The following LRRC66 variants were observed in gnomAD, a reference collection of about 807,000 sequenced individuals.
The protein encoded by LRRC66 is leucine-rich repeat-containing protein 66.
A neutral mutation model predicts 24.6 loss-of-function variants in LRRC66; 29 were observed. That is an observed-to-expected ratio of 1.18 (90% CI 0.88 to 1.61). LRRC66 has a LOEUF of 1.61. Ranked by LOEUF, LRRC66 falls within the 40% of genes most tolerant of loss-of-function variation. LRRC66 has a pLI of 0.00. For missense variants in LRRC66, 1,124 were observed against 1,058.0 expected, an observed-to-expected ratio of 1.06 and a Z score of -0.87; for synonymous variants, 411 against 397.6, an observed-to-expected ratio of 1.03 and a Z score of -0.40.
Position 51,995,926 on chromosome 4 carries a change from C to T in LRRC66, c.1096G>A (p.Gly366Ser), listed in dbSNP as rs1222607778. 5.6e-6 allele frequency: 9 copies of T among 1,613,810 alleles called. No individual in the cohort carries two copies. In the Middle Eastern group the frequency reaches 4.9e-4, roughly 88 times the overall value. Residue 366 changes from glycine to serine, a missense_variant, in exon 5 of 5, where the codon GGC becomes AGC. Coordinates refer to ENST00000682860, the MANE Select transcript of LRRC66 (RefSeq NM_001024611.3). ...TCCTGGGGAGCGTCCTCTTTTTTGC[C>T]GGCAGCCTGCACATCGCGGGTGCTT... ...VRSTRDVQAA[G>S]KKEDAPQDLA...
rs1465583870 is a variant in LRRC66 at position 52,019,341 on chromosome 4, G to C, written c.-6+963C>G. The stretch of plus-strand genomic sequence containing the variant: ...TTCAGCGTTGCTATTGTTTTGCTTT[G>C]TATCTGTTCTGAACTCCCAAAAAAA... On this transcript the variant is annotated intron_variant, in intron 1 of 4. Transcript: ENST00000682860. Among the ~76,000 whole-genome samples, 3 of 150,722 alleles carry C rather than the reference G, an allele frequency of 2.0e-5. No homozygotes were observed. In the South Asian group the frequency reaches 6.3e-4, roughly 31 times the overall value.
At position 51,994,996 on chromosome 4, in the gene LRRC66, C is replaced by T. The variant is rs1736260714; in HGVS notation, c.2026G>A (p.Gly676Ser). Residue 676 changes from glycine to serine, a missense_variant, in exon 5 of 5, where the codon GGC becomes AGC. Transcript: ENST00000682860. ...TTGTTAGCAGGAGTGACATCCAGGC[C>T]ACTGTCCCATCTTGGAGGAAAGACT... The part of the protein sequence containing the change: ...PSVFPPRWDS[G>S]LDVTPANKEP... 1.2e-6 allele frequency: 2 copies of T among 1,614,116 alleles called. No homozygotes were observed. The highest frequency in any genetic ancestry group is 1.7e-6 in the Non-Finnish European group (2 of 1,180,036).
chr4:51,999,277 G>A (rs550614277), intron 3 of LRRC66, among the ~76,000 whole-genome samples: 3 of 152,320 alleles, frequency 2.0e-5, no homozygotes, highest in African/African-American at 4.8e-5. Context: ...ATAGACACCC[G>A]TGAAAAATCA....
At position 52,010,157 on chromosome 4, in the gene LRRC66, G is replaced by C. The variant is rs141963024; in HGVS notation, c.497-6765C>G. Among the ~76,000 whole-genome samples, 536 of 152,246 alleles carry C rather than the reference G, an allele frequency of 3.5e-3. 15 individuals are homozygous for C. Among genetic ancestry groups the C allele is most frequent in the Admixed American group, 0.026 (397 of 15,286 alleles). ...GAGAGAATTTCATCAACCTGGCATA[G>C]AGCATTTATGAAAGATCTAGCAGCT... On this transcript the variant is annotated intron_variant, in intron 2 of 4. Transcript: ENST00000682860.
At chr4:52,003,164 T>C in intron 3 of LRRC66, 59 bp downstream of exon 3, 1 of 1,333,464 alleles carries the variant, frequency 7.5e-7, no homozygotes, top group South Asian at 1.3e-5. Context: ...GAAATATGCT[T>C]CTAATGTAAT....
chr4:52,009,678 A>G (rs574798185), intron 2 of LRRC66, among the ~76,000 whole-genome samples: 146 of 152,288 alleles, frequency 9.6e-4, no homozygotes, highest in African/African-American at 3.3e-3. Context: ...TGCATCTATT[A>G]ATGAAAGTAA....
In LRRC66 at chr4:52,008,531, G is replaced by T. The variant is rs369164852; in HGVS notation, c.497-5139C>A. ...TTTGATTGCCAAAAATTTAAATTGAGTGTATGTCAGGAACACTATAAAAAG... is the reference window on the plus strand; with the variant it reads ...TTTGATTGCCAAAAATTTAAATTGATTGTATGTCAGGAACACTATAAAAAG... On this transcript the variant is annotated intron_variant, in intron 2 of 4. Transcript: ENST00000682860. Among the ~76,000 whole-genome samples, 14 of 152,004 alleles carry T rather than the reference G, an allele frequency of 9.2e-5. No individual in the cohort carries two copies. The South Asian group carries it at 2.3e-3, about 25-fold the overall frequency.
Position 52,017,569 on chromosome 4 carries a change from A to G in LRRC66, c.45T>C (p.Leu15=), listed in dbSNP as rs1482214597. 1 of 1,606,794 alleles carries G rather than the reference A, an allele frequency of 6.2e-7. No homozygotes were observed. Among genetic ancestry groups the G allele is most frequent in the Admixed American group, 1.7e-5 (1 of 59,514 alleles). Residue 15 remains leucine (L), a synonymous_variant, in exon 2 of 5, where the codon CTT becomes CTC. Transcript: ENST00000682860. ...CATTTGTCATTATTCCAGTAAAATA[A>G]AGACCTATAACTATGGTAATGACTC... is the stretch of plus-strand genomic sequence containing the variant. The part of the protein sequence containing the change: ...YFRVITIVIG[L]YFTGIMTNAS...
At chr4:52,018,400 ATT>A (rs1256215045) in intron 1 of LRRC66, 5 of 984,826 alleles carry the variant, frequency 5.1e-6, no homozygotes, top group Middle Eastern at 1.0e-3. Context: ...AATTTTTGTG[ATT>A]TGTTTTAAAC....
At position 52,003,146 on chromosome 4, in the gene LRRC66, C is replaced by T. The variant is rs986294730; in HGVS notation, c.666+77G>A. ...CAGTACTACTGGACATGAAGAAACT[C>T]TTCAATAGAAATATGCTTCTAATGT... On this transcript the variant is annotated intron_variant, in intron 3 of 4. Coordinates refer to ENST00000682860, the MANE Select transcript of LRRC66 (RefSeq NM_001024611.3). 8 of 1,192,348 alleles carry T rather than the reference C, an allele frequency of 6.7e-6. No individual in the cohort carries two copies. The African/African-American group carries it at 1.2e-4, about 18-fold the overall frequency. The allele number at this position is 1,192,348 out of a possible 1,614,324, so 73.9% of individuals were successfully genotyped here.
At chr4:52,003,493 T>C in intron 2 of LRRC66, 101 bp from the exon 3 acceptor site, 12 of 955,298 alleles carry the variant, frequency 1.3e-5, no homozygotes, top group Middle Eastern at 2.3e-4. Flanking sequence ...GAGTTCTCAA[T>C]TGAGGTATTG....
Position 51,994,867 on chromosome 4 carries a change from C to G in LRRC66, c.2155G>C (p.Glu719Gln), listed in dbSNP as rs746169128. The G allele has an allele frequency of 6.2e-7, 1 of 1,614,200 alleles. No homozygotes were observed. The highest frequency in any genetic ancestry group is 8.5e-7 in the Non-Finnish European group (1 of 1,180,030). ...SLFTLSSISS[E>Q]SARSKTEEAV... ...TCTTCAGTCTTGCTCCTTGCACTCTCTGAACTTATGGAGCTCAGAGTGAAC... is the reference window on the plus strand; with the variant it reads ...TCTTCAGTCTTGCTCCTTGCACTCTGTGAACTTATGGAGCTCAGAGTGAAC... The change falls in exon 5 of 5, where the codon GAG (glutamate) becomes CAG (glutamine). Residue 719 changes from glutamate to glutamine, a missense_variant. Transcript: ENST00000682860.
intron 2 of LRRC66, among the ~76,000 whole-genome samples, chr4:52,006,880 G>GA (rs903180857): frequency 1.3e-5 from 2 of 151,560 alleles, no homozygotes; most frequent in Non-Finnish European, 2.9e-5. Flanking sequence ...TTTTACAAAT[G>GA]AAAAAAAACT....
chr4:52,001,220 T>C (rs2110194958), intron 3 of LRRC66, among the ~76,000 whole-genome samples: 1 of 152,308 alleles, frequency 6.6e-6, no homozygotes, highest in South Asian at 2.1e-4. Flanking sequence ...GTATAGCATG[T>C]TATAAGTGTT....
At chr4:52,006,312 C>A (rs1736583915) in intron 2 of LRRC66, among the ~76,000 whole-genome samples, 1 of 151,936 alleles carries the variant, frequency 6.6e-6, no homozygotes, top group Non-Finnish European at 1.5e-5. Flanking sequence ...AAATGTCCAA[C>A]AATGATAGAT....
chr4:51,996,246 GA>G (rs1361341620), intron 4 of LRRC66, 81 bp from the exon 5 acceptor site: 7 of 1,366,748 alleles, frequency 5.1e-6, no homozygotes, highest in African/African-American at 2.9e-5. Context: ...TTACAGAATT[GA>G]AAAAAATTCA....
At chr4:52,001,745 G>A (rs548856429) in intron 3 of LRRC66, among the ~76,000 whole-genome samples, 2 of 152,312 alleles carry the variant, frequency 1.3e-5, no homozygotes, top group African/African-American at 4.8e-5. Context: ...CCCCATCACT[G>A]CTTCACTAGT....
At chr4:52,018,190 T>G (rs1290601092) in intron 1 of LRRC66, 1 of 985,338 alleles carries the variant, frequency 1.0e-6, no homozygotes, top group Non-Finnish European at 1.2e-6. Flanking sequence ...CAAATCATTA[T>G]GAAATCATTT....
In LRRC66 at chr4:51,995,419, C is replaced by G. The variant is rs1736275270; in HGVS notation, c.1603G>C (p.Gly535Arg). The change falls in exon 5 of 5, where the codon GGA becomes CGA. Residue 535 changes from glycine to arginine, a missense_variant. By Grantham distance (125) the Gly-to-Arg change is moderately radical. Coordinates refer to ENST00000682860, the MANE Select transcript of LRRC66 (RefSeq NM_001024611.3). ...QDHIHRNDIL[G>R]EWTYETVAQE... Reference sequence around the variant, plus strand: ...GCCACAGTTTCATAAGTCCATTCTCCGAGAATATCATTCCTATGGATGTGG... The same window carrying G: ...GCCACAGTTTCATAAGTCCATTCTCGGAGAATATCATTCCTATGGATGTGG... The G allele has an allele frequency of 6.2e-7, 1 of 1,614,030 alleles. No individual in the cohort carries two copies. Among genetic ancestry groups the G allele is most frequent in the African/African-American group, 1.3e-5 (1 of 74,912 alleles).
Sources: allele counts gnomAD v4.1 joint callset (sites outside exome capture counted in the v4.1 genomes callset), GRCh38; gene constraint gnomAD v4.1.1; transcripts MANE v1.5; gene names NCBI Gene and HGNC (gene_info 2026-07-23, HGNC 2026-07-21).